MPZL1: variants seen among roughly 807,000 people sequenced by gnomAD.
MPZL1 encodes the protein myelin protein zero-like protein 1.
In MPZL1, 16 loss-of-function variants were observed where a neutral mutation model predicts 29.3. The observed-to-expected ratio is 0.55, with a 90% CI of 0.37 to 0.83. The LOEUF (loss-of-function observed/expected upper bound fraction) is 0.83. Among genes scored for constraint, MPZL1 ranks in the 40% least tolerant of loss-of-function variants. The pLI, the probability that MPZL1 is intolerant of heterozygous loss-of-function variation, is 0.00. For synonymous variants in MPZL1, 143 were observed against 132.0 expected, an observed-to-expected ratio of 1.08 and a Z score of -0.57; for missense variants, 279 against 332.9, an observed-to-expected ratio of 0.84 and a Z score of 1.26.
At chr1:167,783,189 G>C (rs866627912) in intron 5 of MPZL1, among the ~76,000 whole-genome samples, 1 of 152,094 alleles carries the variant, frequency 6.6e-6, no homozygotes, top group African/African-American at 2.4e-5. Context: ...AGGAAGGTAG[G>C]GTCATCTACC....
In MPZL1 at chr1:167,778,993, G is replaced by A. The variant is rs769575370; in HGVS notation, c.708+2827G>A. On this transcript the variant is annotated intron_variant, in intron 5 of 5. Coordinates refer to ENST00000359523, the MANE Select transcript of MPZL1 (RefSeq NM_003953.6). ...AAAAATTAGTTGGGCATGGTGGCAC[G>A]TGCCTGTAGTCCCAGTTACTCAGGA... is the stretch of plus-strand genomic sequence containing the variant. Among the ~76,000 whole-genome samples the A allele has an allele frequency of 2.7e-4, 41 of 151,968 alleles. 1 individual carries two copies. Among genetic ancestry groups the A allele is most frequent in the Admixed American group, 4.6e-4 (7 of 15,264 alleles).
In MPZL1 at chr1:167,762,840, A is replaced by G. The variant is rs765463931; in HGVS notation, c.92-2743A>G. ...TGATGAAATCTCCAAAAATGATGACAAGAGTAGTATTAGAGAAAAGTGTAG... is the reference window on the plus strand; with the variant it reads ...TGATGAAATCTCCAAAAATGATGACGAGAGTAGTATTAGAGAAAAGTGTAG... On this transcript the variant is annotated intron_variant, in intron 1 of 5. Transcript: ENST00000359523. Among the ~76,000 whole-genome samples, 36 of 152,346 alleles carry G rather than the reference A, an allele frequency of 2.4e-4. 2 individuals are homozygous for G. The highest frequency in any genetic ancestry group is 3.4e-3 in the Middle Eastern group (1 of 294).
chr1:167,775,930 C>A, intron 4 of MPZL1, 134 bp from the exon 5 acceptor site: 1 of 491,386 alleles, frequency 2.0e-6, no homozygotes, highest in African/African-American at 2.0e-5. Context: ...ATTTTGACAC[C>A]CATTGTTATG....
chr1:167,736,878 C>G (rs903809674), intron 1 of MPZL1, among the ~76,000 whole-genome samples: 2 of 152,190 alleles, frequency 1.3e-5, no homozygotes, highest in Non-Finnish European at 2.9e-5. Flanking sequence ...CCATCTCTCC[C>G]CATTATCTCT....
intron 1 of MPZL1, among the ~76,000 whole-genome samples, chr1:167,759,491 C>T (rs1349736347): frequency 6.6e-6 from 1 of 152,154 alleles, no homozygotes; most frequent in Non-Finnish European, 1.5e-5. Flanking sequence ...GAGAGGGAAA[C>T]CTGTGATTTA....
chr1:167,778,523 A>AGGAAGGATGGAT (rs143953572), intron 5 of MPZL1, among the ~76,000 whole-genome samples: 10 of 147,342 alleles, frequency 6.8e-5, no homozygotes, highest in African/African-American at 2.5e-4. Flanking sequence ...GAAGGAAGGA[A>AGGAAGGATGGAT]GGATGGATGG....
intron 4 of MPZL1, 74 bp downstream of exon 4, chr1:167,773,442 G>GA: frequency 1.4e-6 from 2 of 1,470,922 alleles, no homozygotes; most frequent in Non-Finnish European, 1.8e-6. Flanking sequence ...TGTATTTAAT[G>GA]AAAAAAGGAT....
chr1:167,749,708 G>T (rs796109328), intron 1 of MPZL1, among the ~76,000 whole-genome samples: 91 of 152,312 alleles, frequency 6.0e-4, no homozygotes, highest in African/African-American at 2.0e-3. Flanking sequence ...TGTTCTCTAT[G>T]ATCTGGATAC....
chr1:167,763,281 C>T (rs1480815922), intron 1 of MPZL1, among the ~76,000 whole-genome samples: 1 of 151,934 alleles, frequency 6.6e-6, no homozygotes, highest in African/African-American at 2.4e-5. Context: ...TTGGGGGGGC[C>T]GGGGCTGGTG....
At chr1:167,781,486 G>A (rs929325618) in intron 5 of MPZL1, among the ~76,000 whole-genome samples, 3 of 152,138 alleles carry the variant, frequency 2.0e-5, no homozygotes, top group African/African-American at 7.2e-5. Context: ...AACAACCCAT[G>A]AGTAAAACAA....
At chr1:167,780,006 A>T (rs772103392) in intron 5 of MPZL1, among the ~76,000 whole-genome samples, 1 of 152,238 alleles carries the variant, frequency 6.6e-6, no homozygotes, top group South Asian at 2.1e-4. Flanking sequence ...TACAAAGAAG[A>T]CATAATCCTA....
At chr1:167,724,455 G>A (rs749781426) in intron 1 of MPZL1, among the ~76,000 whole-genome samples, 13 of 152,218 alleles carry the variant, frequency 8.5e-5, no homozygotes, top group Non-Finnish European at 1.5e-4. Context: ...ATAATCCCGG[G>A]GAGGATGATG....
intron 1 of MPZL1, among the ~76,000 whole-genome samples, chr1:167,748,914 T>C (rs990737483): frequency 2.9e-4 from 44 of 152,308 alleles, no homozygotes; most frequent in Non-Finnish European, 5.6e-4. Context: ...TATGTTGATA[T>C]ATCATAGCTA....
intron 1 of MPZL1, among the ~76,000 whole-genome samples, chr1:167,738,677 C>T (rs375102930): frequency 1.7e-4 from 26 of 150,864 alleles, no homozygotes; most frequent in Non-Finnish European, 2.8e-4. Flanking sequence ...TGAGTTATTG[C>T]GAGATCTGGT....
Position 167,768,353 on chromosome 1 carries a change from C to T in MPZL1, c.258+2604C>T, listed in dbSNP as rs1454421363. On this transcript the variant is annotated intron_variant, in intron 2 of 5. Transcript: ENST00000359523. The stretch of plus-strand genomic sequence containing the variant: ...CTGAACACTTGTCATTTAAGCTGTA[C>T]CCCATTTTTACCCTCTGTCTCCTCC... 2.0e-5 allele frequency among the ~76,000 whole-genome samples: 3 copies of T among 152,060 alleles called. No individual in the cohort carries two copies. The South Asian group carries it at 6.2e-4, about 32-fold the overall frequency.
In MPZL1 at chr1:167,765,693, G is replaced by A. The variant is rs146968580; in HGVS notation, c.202G>A (p.Gly68Arg). 8.4e-5 allele frequency: 135 copies of A among 1,613,200 alleles called. No individual in the cohort carries two copies. Among genetic ancestry groups the A allele is most frequent in the Non-Finnish European group, 1.0e-4 (119 of 1,179,570 alleles). Reference protein sequence around the residue: ...CKFKSTSTTGGLTSVSWSFQP... With the variant: ...CKFKSTSTTGRLTSVSWSFQP... ...GTTCAAGTCTACTAGTACGACTGGCGGGTTGACCTCAGTCTCCTGGAGCTT... is the reference window on the plus strand; with the variant it reads ...GTTCAAGTCTACTAGTACGACTGGCAGGTTGACCTCAGTCTCCTGGAGCTT... Residue 68 changes from glycine to arginine, a missense_variant, in exon 2 of 6, where the codon GGG becomes AGG. Transcript: ENST00000359523.
chr1:167,734,457 T>C (rs1660337155), intron 1 of MPZL1, among the ~76,000 whole-genome samples: 1 of 152,100 alleles, frequency 6.6e-6, no homozygotes, highest in Non-Finnish European at 1.5e-5. Flanking sequence ...ATGCAGAATC[T>C]CTGATTAGTG....
chr1:167,757,718 A>C (rs1301003330), intron 1 of MPZL1, among the ~76,000 whole-genome samples: 1 of 152,250 alleles, frequency 6.6e-6, no homozygotes, highest in Non-Finnish European at 1.5e-5. Context: ...ATAGGTCAGA[A>C]CGCTGTTTAA....
At chr1:167,733,985 G>A (rs912973142) in intron 1 of MPZL1, among the ~76,000 whole-genome samples, 2 of 152,044 alleles carry the variant, frequency 1.3e-5, no homozygotes, top group Non-Finnish European at 2.9e-5. Context: ...GGCCGGGTGC[G>A]GTGGCTCACG....
Sources: gnomAD v4.1 joint callset for allele counts (sites outside exome capture counted in the v4.1 genomes callset) on GRCh38, gnomAD v4.1.1 for gene constraint, MANE v1.5 for transcripts, NCBI Gene and HGNC (gene_info 2026-07-23, HGNC 2026-07-21) for gene names.